SNTG1: variants seen among roughly 807,000 people sequenced by gnomAD.
SNTG1 encodes gamma-1-syntrophin.
In SNTG1, 39 loss-of-function variants were observed where a neutral mutation model predicts 74.7. The observed-to-expected ratio is 0.52, with a 90% CI of 0.40 to 0.68. The LOEUF is 0.68. SNTG1 is among the 30% of genes least tolerant of loss of function. SNTG1 has a pLI of 0.00. For synonymous variants in SNTG1, 254 were observed against 217.1 expected (o/e 1.17, Z -1.49); for missense variants, 685 against 609.5 (o/e 1.12, Z -1.30).
At chr8:50,777,495 C>A (rs2131812694) in intron 18 of SNTG1, among the ~76,000 whole-genome samples, 1 of 150,776 alleles carries the variant, frequency 6.6e-6, no homozygotes, top group African/African-American at 2.4e-5. Context: ...CCTAGGGTTT[C>A]TGTTTCTTTT....
intron 1 of SNTG1, among the ~76,000 whole-genome samples, chr8:50,133,631 C>T (rs868486843): frequency 7.9e-5 from 12 of 152,268 alleles, no homozygotes; most frequent in African/African-American, 2.4e-4. Context: ...TCCCAGCTTC[C>T]TCTGGTGGCC....
At chr8:50,535,570 T>A (rs1210469886) in intron 10 of SNTG1, among the ~76,000 whole-genome samples, 1 of 152,176 alleles carries the variant, frequency 6.6e-6, no homozygotes, top group Non-Finnish European at 1.5e-5. Context: ...TAGGGACCCC[T>A]CACTAAGTGA....
At chr8:49,950,142 A>G (rs1809574599) in intron 1 of SNTG1, among the ~76,000 whole-genome samples, 1 of 151,718 alleles carries the variant, frequency 6.6e-6, no homozygotes, top group Admixed American at 6.6e-5. Context: ...TCAATCAATA[A>G]AAAAAAATAA....
intron 1 of SNTG1, among the ~76,000 whole-genome samples, chr8:49,975,218 C>A (rs1812077934): frequency 6.6e-6 from 1 of 152,120 alleles, no homozygotes; most frequent in African/African-American, 2.4e-5. Flanking sequence ...TTTAGACTGC[C>A]TTAATTCATA....
chr8:50,742,482 A>G (rs1255470474), intron 17 of SNTG1, among the ~76,000 whole-genome samples: 4 of 151,928 alleles, frequency 2.6e-5, no homozygotes, highest in African/African-American at 4.8e-5. Flanking sequence ...AACATACCAA[A>G]ATATATGAGA....
chr8:50,357,226 G>C (rs2091843139), intron 2 of SNTG1, among the ~76,000 whole-genome samples: 1 of 151,962 alleles, frequency 6.6e-6, no homozygotes, highest in Non-Finnish European at 1.5e-5. Context: ...GCTTCTCCCT[G>C]GGGTCTCCCC....
At chr8:50,017,459 A>G (rs570260188) in intron 1 of SNTG1, among the ~76,000 whole-genome samples, 180 of 152,104 alleles carry the variant, frequency 1.2e-3, no homozygotes, top group African/African-American at 4.2e-3. Flanking sequence ...AAACATCCCA[A>G]ATTGAAGGTG....
intron 2 of SNTG1, among the ~76,000 whole-genome samples, chr8:50,224,770 A>G (rs2385812): frequency 0.42 from 64,141 of 151,898 alleles, 16,874 homozygotes; most frequent in African/African-American, 0.76. Context: ...AGACCTTAAG[A>G]CTAACAAAGC....
intron 2 of SNTG1, among the ~76,000 whole-genome samples, chr8:50,188,621 T>G (rs1182747708): frequency 6.6e-6 from 1 of 152,104 alleles, no homozygotes; most frequent in African/African-American, 2.4e-5. Flanking sequence ...CATGTAACTT[T>G]CCTATTCCTT....
At chr8:50,687,184 A>G (rs1421879046) in intron 15 of SNTG1, among the ~76,000 whole-genome samples, 1 of 151,882 alleles carries the variant, frequency 6.6e-6, no homozygotes, top group Non-Finnish European at 1.5e-5. Flanking sequence ...TTCAAAACAT[A>G]TGACTATAGA....
At chr8:49,922,307 A>T (rs766935208) in intron 1 of SNTG1, among the ~76,000 whole-genome samples, 7 of 152,140 alleles carry the variant, frequency 4.6e-5, no homozygotes, top group African/African-American at 9.7e-5. Flanking sequence ...GGAGTGAATT[A>T]TCTACTTTCT....
chr8:50,333,661 C>G (rs999531838), intron 2 of SNTG1, among the ~76,000 whole-genome samples: 2 of 152,178 alleles, frequency 1.3e-5, no homozygotes, highest in African/African-American at 4.8e-5. Context: ...AAACTTCTCT[C>G]GCTTGAGTTC....
chr8:50,592,665 T>C (rs963089874), intron 13 of SNTG1, among the ~76,000 whole-genome samples: 2 of 152,214 alleles, frequency 1.3e-5, no homozygotes, highest in Non-Finnish European at 2.9e-5. Context: ...TAGATGTTCA[T>C]TAGTATTCAT....
intron 13 of SNTG1, among the ~76,000 whole-genome samples, chr8:50,616,214 A>G (rs1260021055): frequency 1.3e-5 from 2 of 152,220 alleles, no homozygotes; most frequent in Non-Finnish European, 2.9e-5. Flanking sequence ...ATGACATATA[A>G]AATTAACTGT....
At chr8:50,714,329 G>A (rs1290033447) in intron 17 of SNTG1, among the ~76,000 whole-genome samples, 1 of 151,482 alleles carries the variant, frequency 6.6e-6, no homozygotes, top group Non-Finnish European at 1.5e-5. Flanking sequence ...GCTCTTTTTT[G>A]GTTCCCTATG....
At chr8:50,244,514 C>T (rs902869258) in intron 2 of SNTG1, among the ~76,000 whole-genome samples, 8 of 152,042 alleles carry the variant, frequency 5.3e-5, no homozygotes, top group African/African-American at 9.7e-5. Context: ...CATCTGATTC[C>T]AAAAGTCTGT....
intron 13 of SNTG1, among the ~76,000 whole-genome samples, chr8:50,637,007 T>C (rs1306319688): frequency 3.9e-5 from 6 of 152,080 alleles, no homozygotes; most frequent in Admixed American, 3.9e-4. Context: ...TCTTCCAGGG[T>C]CTTTTTGTCA....
intron 5 of SNTG1, among the ~76,000 whole-genome samples, chr8:50,444,940 A>G (rs2093392531): frequency 6.6e-6 from 1 of 152,160 alleles, no homozygotes; most frequent in Admixed American, 6.5e-5. Context: ...TTTAAAGTGT[A>G]CAATTAAATT....
At chr8:50,644,928 T>TC (rs1449502382) in intron 13 of SNTG1, among the ~76,000 whole-genome samples, 1 of 151,720 alleles carries the variant, frequency 6.6e-6, no homozygotes, top group East Asian at 1.9e-4. Flanking sequence ...GCTTTTTTTT[T>TC]TTTTTTTTCC....
Sources: gnomAD v4.1 joint callset for allele counts (sites outside exome capture counted in the v4.1 genomes callset) on GRCh38, gnomAD v4.1.1 for gene constraint, MANE v1.5 for transcripts, NCBI Gene and HGNC (gene_info 2026-07-23, HGNC 2026-07-21) for gene names.